The following SERPINB9 variants were observed in gnomAD, a reference collection of about 807,000 sequenced individuals.
The protein encoded by SERPINB9 is serpin family B member 9.
Under a neutral mutation model 27.2 loss-of-function variants are expected in SERPINB9, and 20 were observed. The observed-to-expected ratio is 0.74, with a 90% CI of 0.52 to 1.07. The LOEUF is 1.07. Among genes scored for constraint, SERPINB9 ranks in the 50% least tolerant of loss-of-function variants. The pLI is 0.00. For synonymous variants in SERPINB9, 189 were observed against 180.0 expected, an observed-to-expected ratio of 1.05 and a Z score of -0.40; for missense variants, 476 against 460.1, an observed-to-expected ratio of 1.03 and a Z score of -0.32.
chr6:2,902,853 G>A (rs976396870), intron 1 of SERPINB9, among the ~76,000 whole-genome samples: 7 of 152,218 alleles, frequency 4.6e-5, no homozygotes, highest in African/African-American at 1.7e-4. Flanking sequence ...GAAGAAGCAG[G>A]ACAGACGTCA....
intron 2 of SERPINB9, among the ~76,000 whole-genome samples, chr6:2,898,792 C>T (rs1411960439): frequency 2.7e-5 from 4 of 147,968 alleles, no homozygotes; most frequent in South Asian, 2.1e-4. Context: ...CCAGCCTGGG[C>T]GACAGAGCAA....
In SERPINB9 at chr6:2,891,871, G is replaced by A. The variant is rs1332248563; in HGVS notation, c.685C>T (p.Leu229=). 1.9e-6 allele frequency: 3 copies of A among 1,610,654 alleles called. No individual in the cohort carries two copies. The highest frequency in any genetic ancestry group is 2.2e-5 in the East Asian group (1 of 44,844). ...LPYARKELSL[L]VLLPDDGVEL... is the part of the protein sequence containing the mutation. ...ACGCCGTCGTCAGGCAGCAGCACCA[G>A]CAGGCTCAGCTCCTTCCTGGCGTAG... is the stretch of plus-strand genomic sequence containing the variant. The change falls in exon 6 of 7, where the codon CTG becomes TTG. Residue 229 remains leucine, a synonymous_variant. Transcript: ENST00000380698. The surrounding 1 kb of genome is among the most constrained non-coding windows in gnomAD (Gnocchi z 4.0).
At chr6:2,901,298 A>G (rs1446644514) in intron 1 of SERPINB9, among the ~76,000 whole-genome samples, 1 of 152,168 alleles carries the variant, frequency 6.6e-6, no homozygotes, top group Non-Finnish European at 1.5e-5. Flanking sequence ...GCTTCTGCAC[A>G]TCATGTGACC....
chr6:2,891,869 C>T lies in SERPINB9; in HGVS notation c.687G>A (p.Leu229=). 6.2e-7 allele frequency: 1 copy of T among 1,610,678 alleles called. No individual in the cohort carries two copies. The highest frequency in any genetic ancestry group is 8.5e-7 in the Non-Finnish European group (1 of 1,179,596). The change falls in exon 6 of 7, where the codon CTG becomes CTA. Residue 229 remains leucine (L), a synonymous_variant. Transcript: ENST00000380698. The surrounding 1 kb of genome is among the most constrained non-coding windows in gnomAD (Gnocchi z 4.0). ...CCACGCCGTCGTCAGGCAGCAGCAC[C>T]AGCAGGCTCAGCTCCTTCCTGGCGT... ...LPYARKELSL[L]VLLPDDGVEL... is the part of the protein sequence containing the mutation.
At chr6:2,896,646 T>G (rs1768010043) in intron 2 of SERPINB9, among the ~76,000 whole-genome samples, 1 of 152,176 alleles carries the variant, frequency 6.6e-6, no homozygotes, top group South Asian at 2.1e-4. Context: ...TCAAAATATA[T>G]CACACATATT....
At position 2,887,509 on chromosome 6, in the gene SERPINB9, C is replaced by T. The variant is rs1040990636; in HGVS notation, c.*2654G>A. On this transcript the variant is annotated 3_prime_UTR_variant, in exon 7 of 7. Transcript: ENST00000380698. ...ATAAAAGAAATGCAATAAGTATCTGCATATGATACATAATGTTGCAGATGT... is the reference window on the plus strand; with the variant it reads ...ATAAAAGAAATGCAATAAGTATCTGTATATGATACATAATGTTGCAGATGT... 3.9e-5 allele frequency: 6 copies of T among 152,154 alleles called. No individual in the cohort carries two copies. The highest frequency in any genetic ancestry group is 4.8e-5 in the African/African-American group (2 of 41,416). 9.4% of individuals were successfully genotyped at this position (152,154 alleles called of 1,614,324 possible).
Position 2,888,068 on chromosome 6 carries a change from T to C in SERPINB9, c.*2095A>G, listed in dbSNP as rs887167444. On this transcript the variant is annotated 3_prime_UTR_variant, in exon 7 of 7. Coordinates refer to ENST00000380698, the MANE Select transcript of SERPINB9 (RefSeq NM_004155.6). The stretch of plus-strand genomic sequence containing the variant: ...CTGGATGTCCCATCTAGTTTGTACT[T>C]TAGTTTCTAGCTCATTACATAGGAA... 6.6e-6 allele frequency: 1 copy of C among 152,172 alleles called. No individual in the cohort carries two copies. The highest frequency in any genetic ancestry group is 1.5e-5 in the Non-Finnish European group (1 of 68,032). 9.4% of individuals were successfully genotyped at this position (152,172 alleles called of 1,614,324 possible).
Position 2,888,823 on chromosome 6 carries a change from TTTATG to T in SERPINB9, c.*1335_*1339del, listed in dbSNP as rs1767679090. On this transcript the variant is annotated 3_prime_UTR_variant, in exon 7 of 7. Coordinates refer to ENST00000380698, the MANE Select transcript of SERPINB9 (RefSeq NM_004155.6). ...AACTTCTCACTTTAAAATAGTTAAT[TTTATG>T]TTATGTGAAGTTTACCTCAATAAAA... 1 of 152,128 alleles carries T rather than the reference TTTATG, an allele frequency of 6.6e-6. No individual in the cohort carries two copies. Among genetic ancestry groups the T allele is most frequent in the Admixed American group, 6.5e-5 (1 of 15,286 alleles). 9.4% of individuals were successfully genotyped at this position (152,128 alleles called of 1,614,324 possible).
At chr6:2,899,682 C>A (rs141095390) in intron 2 of SERPINB9, among the ~76,000 whole-genome samples, 1 of 152,156 alleles carries the variant, frequency 6.6e-6, no homozygotes, top group African/African-American at 2.4e-5. Context: ...TACACATAAA[C>A]CCTCCCTTCT....
intron 2 of SERPINB9, 67 bp from the exon 3 acceptor site, chr6:2,896,257 G>A: frequency 1.3e-6 from 2 of 1,486,180 alleles, no homozygotes; most frequent in African/African-American, 1.4e-5. Flanking sequence ...AGGAGAGAGA[G>A]GGGACAGAAA....
intron 1 of SERPINB9, among the ~76,000 whole-genome samples, chr6:2,902,086 C>T (rs1374555726): frequency 6.6e-6 from 1 of 152,222 alleles, no homozygotes; most frequent in Non-Finnish European, 1.5e-5. Context: ...CTGCCCCCTC[C>T]CTTGATCCAG....
chr6:2,893,306 A>G, intron 5 of SERPINB9, 105 bp downstream of exon 5: 2 of 1,140,920 alleles, frequency 1.8e-6, no homozygotes, highest in Non-Finnish European at 2.4e-6. Flanking sequence ...TTTAAGTTTC[A>G]AATTCCTTTT....
At chr6:2,892,909 GAATT>G (rs1767858309) in intron 5 of SERPINB9, among the ~76,000 whole-genome samples, 3 of 151,818 alleles carry the variant, frequency 2.0e-5, no homozygotes, top group Admixed American at 1.3e-4. Flanking sequence ...TGTAAATACT[GAATT>G]AATGATAATT....
intron 5 of SERPINB9, among the ~76,000 whole-genome samples, chr6:2,892,431 T>G (rs989783260): frequency 2.6e-5 from 4 of 152,240 alleles, no homozygotes; most frequent in African/African-American, 7.2e-5. Flanking sequence ...CACAACAGCA[T>G]GACAGGGAGT....
At chr6:2,892,132 A>G (rs1457568375) in intron 5 of SERPINB9, 144 bp from the exon 6 acceptor site, 1 of 686,392 alleles carries the variant, frequency 1.5e-6, no homozygotes, top group African/African-American at 2.0e-5. Context: ...AAAAAAAAAA[A>G]AAAAGTCAAC....
At chr6:2,901,467 TC>T (rs3839489) in intron 1 of SERPINB9, among the ~76,000 whole-genome samples, 1 of 148,568 alleles carries the variant, frequency 6.7e-6, no homozygotes, top group East Asian at 2.0e-4. Flanking sequence ...AAGGATCTGA[TC>T]CCTGCAGAAC....
rs772396099 is a variant in SERPINB9, at chr6:2,894,214, C to T, written c.425-661G>A. Among the ~76,000 whole-genome samples, 6 of 152,098 alleles carry T rather than the reference C, an allele frequency of 3.9e-5. No homozygotes were observed. Among genetic ancestry groups the T allele is most frequent in the Non-Finnish European group, 7.3e-5 (5 of 68,032 alleles). ...GTGGTAAATACTCCAAGCAGGAATG[C>T]GGGAAACAACTGCTGAGACTTTAAG... On this transcript the variant is annotated intron_variant, in intron 4 of 6. Coordinates refer to ENST00000380698, the MANE Select transcript of SERPINB9 (RefSeq NM_004155.6). The surrounding 1 kb of genome is among the most constrained non-coding windows in gnomAD (Gnocchi z 4.7).
rs374717626 is a variant in SERPINB9 at position 2,900,462 on chromosome 6, G to A, written c.150C>T (p.Thr50=). ...AGCTTACCTGGGCCATCTGGGTTGC[G>A]GTGTTTCCCTTTGCCCCTAGGAGAA... ...AMVLLGAKGN[T]ATQMAQALSL... is the part of the protein sequence containing the mutation. Residue 50 remains threonine (T), a synonymous_variant, in exon 2 of 7, where the codon ACC becomes ACT. Transcript: ENST00000380698. 1.0e-4 allele frequency: 166 copies of A among 1,613,928 alleles called. No homozygotes were observed. The highest frequency in any genetic ancestry group is 1.8e-4 in the Admixed American group (11 of 59,984).
intron 3 of SERPINB9, 128 bp from the exon 4 acceptor site, chr6:2,895,636 ATG>A (rs1208092476): frequency 1.5e-6 from 1 of 660,400 alleles, no homozygotes; most frequent in Admixed American, 2.9e-5. Context: ...AAGTGATCAT[ATG>A]AAGATATGTT....
Sources: allele counts gnomAD v4.1 joint callset (sites outside exome capture counted in the v4.1 genomes callset), GRCh38; gene constraint gnomAD v4.1.1; non-coding constraint Gnocchi (gnomAD v3.1); transcripts MANE v1.5; gene names NCBI Gene and HGNC (gene_info 2026-07-23, HGNC 2026-07-21).